Variants in STOX2 observed in about 807,000 individuals in gnomAD.
The protein encoded by STOX2 is storkhead-box protein 2.
A neutral mutation model predicts 60.9 loss-of-function variants in STOX2; 28 were observed. The ratio of observed to expected loss-of-function variants is 0.46; its 90% CI spans 0.34 to 0.63. STOX2 has a LOEUF of 0.63. Ranked by LOEUF, STOX2 falls within the 30% of genes least tolerant of loss-of-function variation. STOX2 has a pLI of 0.01. For missense variants in STOX2, 1,024 were observed against 1,187.7 expected, an observed-to-expected ratio of 0.86 and a Z score of 2.03; for synonymous variants, 472 against 463.9, an observed-to-expected ratio of 1.02 and a Z score of -0.22.
At chr4:183,938,843 C>T (rs1742666328) in intron 1 of STOX2, among the ~76,000 whole-genome samples, 1 of 152,066 alleles carries the variant, frequency 6.6e-6, no homozygotes, top group Non-Finnish European at 1.5e-5. Flanking sequence ...TTTTTCCAGC[C>T]TTGCACTTGT....
rs35378121 is a variant in STOX2 at position 183,956,439 on chromosome 4, C to CATCTATCTATCT, written c.167-44853_167-44842dup. ...TCTGTCGATCTATCATTCTATCATT[C>CATCTATCTATCT]ATCTATCTATCTATCTATCTATCTA... On this transcript the variant is annotated intron_variant, in intron 1 of 3. Transcript: ENST00000308497. 8.5e-3 allele frequency among the ~76,000 whole-genome samples: 1,236 copies of CATCTATCTATCT among 145,986 alleles called. 10 individuals carry two copies. The highest frequency in any genetic ancestry group is 0.014 in the East Asian group (71 of 4,956).
chr4:183,841,130 G>A (rs1028358783), intron 1 of STOX2, among the ~76,000 whole-genome samples: 6 of 152,220 alleles, frequency 3.9e-5, no homozygotes, highest in Middle Eastern at 3.2e-3. Flanking sequence ...GACCTCCCGT[G>A]CTGGGATTAC....
chr4:183,812,732 G>C (rs1015217197), intron 1 of STOX2, among the ~76,000 whole-genome samples: 1 of 152,204 alleles, frequency 6.6e-6, no homozygotes, highest in Non-Finnish European at 1.5e-5. Flanking sequence ...AGTGTGTGCA[G>C]TTGTGTAGAG....
intron 1 of STOX2, among the ~76,000 whole-genome samples, chr4:183,923,703 G>A (rs568548410): frequency 4.4e-4 from 67 of 152,250 alleles, no homozygotes; most frequent in African/African-American, 1.6e-3. Flanking sequence ...TAACCATATG[G>A]GCCCTTCCCA....
intron 1 of STOX2, among the ~76,000 whole-genome samples, chr4:183,827,447 A>G (rs1430939144): frequency 1.3e-5 from 2 of 152,120 alleles, no homozygotes; most frequent in East Asian, 3.9e-4. Flanking sequence ...AGCTGGGATC[A>G]TACCACTGCA....
intron 1 of STOX2, among the ~76,000 whole-genome samples, chr4:183,820,371 C>G (rs1360875027): frequency 2.6e-5 from 4 of 152,154 alleles, no homozygotes; most frequent in African/African-American, 9.7e-5. Context: ...TGTCCCTTTC[C>G]TCTCCTATTG....
chr4:183,883,702 G>A (rs1165368037), intron 1 of STOX2, among the ~76,000 whole-genome samples: 1 of 152,066 alleles, frequency 6.6e-6, no homozygotes, highest in Non-Finnish European at 1.5e-5. Context: ...AATGATGGGT[G>A]TTTTAGGTGA....
At chr4:183,923,837 C>G (rs1056949118) in intron 1 of STOX2, among the ~76,000 whole-genome samples, 1 of 152,048 alleles carries the variant, frequency 6.6e-6, no homozygotes, top group African/African-American at 2.4e-5. Context: ...AGGCTGCATT[C>G]GGCAGGGTCA....
At chr4:183,951,027 A>C (rs896174055) in intron 1 of STOX2, among the ~76,000 whole-genome samples, 1 of 151,948 alleles carries the variant, frequency 6.6e-6, no homozygotes, top group African/African-American at 2.4e-5. Flanking sequence ...CATCCTGGCT[A>C]ACACGGTGAA....
rs73008345 is a variant in STOX2, at chr4:183,975,550, A to G, written c.167-25775A>G. ...GCAAACACCATCAAGAGCTCTGTGC[A>G]CATAAATTCAACAATATAGATGAAA... On this transcript the variant is annotated intron_variant, in intron 1 of 3. Coordinates refer to ENST00000308497, the MANE Select transcript of STOX2 (RefSeq NM_020225.3). 3.3e-3 allele frequency among the ~76,000 whole-genome samples: 496 copies of G among 152,320 alleles called. 2 individuals are homozygous for G. Among genetic ancestry groups the G allele is most frequent in the African/African-American group, 0.011 (471 of 41,582 alleles).
At position 183,886,104 on chromosome 4, in the gene STOX2, A is replaced by T. The variant is rs376044001; in HGVS notation, c.364+88049A>T. Among the ~76,000 whole-genome samples the T allele has an allele frequency of 9.3e-3, 674 of 72,766 alleles. 22 individuals carry two copies. The highest frequency in any genetic ancestry group is 0.012 in the South Asian group (20 of 1,604). The allele number at this position is 72,766 out of a possible 152,430, so 47.7% of individuals were successfully genotyped here. A position where few individuals can be genotyped will look rare whatever the true frequency, so the allele number is the denominator to read the frequency against. On this transcript the variant is annotated intron_variant, in intron 1 of 2. Coordinates refer to the STOX2 transcript ENST00000513034. ...GATGGTTGCTGGATGGTGTAGGCAG[A>T]TGCAAAATCAGGAGGGTGAAGGTTC... is the stretch of plus-strand genomic sequence containing the variant.
intron 1 of STOX2, among the ~76,000 whole-genome samples, chr4:183,880,777 AC>A (rs1740941216): frequency 6.6e-6 from 1 of 152,228 alleles, no homozygotes; most frequent in Non-Finnish European, 1.5e-5. Context: ...TGAACAACCA[AC>A]ATGAAATTTT....
In STOX2 at chr4:183,948,565, G is replaced by C. The variant is rs1441086095; in HGVS notation, c.166+41609G>C. On this transcript the variant is annotated intron_variant, in intron 1 of 3. Coordinates refer to ENST00000308497, the MANE Select transcript of STOX2 (RefSeq NM_020225.3). ...CTTTTTTTTTTTTTTTTTTTTTTGA[G>C]ACAGAGTTTAGGCTGGAGTGCAGTG... is the stretch of plus-strand genomic sequence containing the variant. 1.0e-3 allele frequency among the ~76,000 whole-genome samples: 6 copies of C among 5,904 alleles called. No individual in the cohort carries two copies. In the Non-Finnish European group the frequency reaches 0.01, roughly 10 times the overall value. The allele number at this position is 5,904 out of a possible 152,430, so 3.9% of individuals were successfully genotyped here. A position where few individuals can be genotyped will look rare whatever the true frequency, so the allele number is the denominator to read the frequency against.
chr4:183,923,771 T>A (rs1742165281), intron 1 of STOX2, among the ~76,000 whole-genome samples: 1 of 152,074 alleles, frequency 6.6e-6, no homozygotes, highest in Non-Finnish European at 1.5e-5. Flanking sequence ...CTGCAGAAAG[T>A]GAGGTGTCAG....
chr4:183,895,083 A>G (rs1427911550), intron 1 of STOX2, among the ~76,000 whole-genome samples: 1 of 152,190 alleles, frequency 6.6e-6, no homozygotes, highest in East Asian at 1.9e-4. Flanking sequence ...GAGGCAGGAG[A>G]GTACAATCGC....
intron 1 of STOX2, among the ~76,000 whole-genome samples, chr4:183,922,673 T>C (rs1742137026): frequency 6.6e-6 from 1 of 152,160 alleles, no homozygotes; most frequent in Non-Finnish European, 1.5e-5. Flanking sequence ...TTTTTAAGGG[T>C]ACAGTTCAGT....
intron 3 of STOX2, 65 bp from the exon 4 acceptor site, chr4:184,017,024 T>A: frequency 7.3e-7 from 1 of 1,370,108 alleles, no homozygotes; most frequent in Non-Finnish European, 9.8e-7. Context: ...GCTCTTCCTC[T>A]GGGGCTCAAT....
upstream of STOX2, among the ~76,000 whole-genome samples, chr4:183,901,575 T>A (rs112573857): frequency 6.0e-3 from 900 of 150,506 alleles, 10 homozygotes; most frequent in African/African-American, 0.021. Context: ...TGCCAATGTT[T>A]GTTATTTTCT....
chr4:183,951,088 C>T (rs931088932), intron 1 of STOX2, among the ~76,000 whole-genome samples: 16 of 151,672 alleles, frequency 1.1e-4, no homozygotes, highest in East Asian at 3.9e-4. Context: ...TGGTGGCGGG[C>T]GCCTGTAGTC....
Sources: gnomAD v4.1 joint callset for allele counts (sites outside exome capture counted in the v4.1 genomes callset) on GRCh38, gnomAD v4.1.1 for gene constraint, MANE v1.5 for transcripts, NCBI Gene and HGNC (gene_info 2026-07-23, HGNC 2026-07-21) for gene names.